Variants in SLC10A7 observed in about 807,000 individuals in gnomAD.
SLC10A7 encodes sodium/bile acid cotransporter 7.
Under a neutral mutation model 43.2 loss-of-function variants are expected in SLC10A7, and 29 were observed. The ratio of observed to expected loss-of-function variants is 0.67; its 90% CI spans 0.50 to 0.92. The LOEUF is 0.92. Ranked by LOEUF, SLC10A7 falls within the 40% of genes least tolerant of loss-of-function variation. The pLI, the probability that SLC10A7 is intolerant of heterozygous loss-of-function variation, is 0.00. For synonymous variants in SLC10A7, 152 were observed against 144.8 expected (o/e 1.05, Z -0.35); for missense variants, 295 against 403.2 (o/e 0.73, Z 2.30).
chr4:146,377,219 C>A (rs187403292), intron 5 of SLC10A7, among the ~76,000 whole-genome samples: 134 of 152,218 alleles, frequency 8.8e-4, no homozygotes, highest in African/African-American at 3.1e-3. Flanking sequence ...TGAAGAGGAA[C>A]CTTTACTTTA....
chr4:146,351,653 C>T (rs1033312923), intron 5 of SLC10A7, among the ~76,000 whole-genome samples: 6 of 152,068 alleles, frequency 3.9e-5, no homozygotes, highest in African/African-American at 1.4e-4. Flanking sequence ...GGGTTACCCT[C>T]AAAGGGAAGC....
intron 11 of SLC10A7, among the ~76,000 whole-genome samples, chr4:146,257,956 A>G (rs1011151062): frequency 2.6e-5 from 4 of 152,316 alleles, no homozygotes; most frequent in Admixed American, 6.5e-5. Flanking sequence ...CTTCCCACAC[A>G]TCTCCTGATA....
chr4:146,432,026 A>G (rs1729816126), intron 5 of SLC10A7, among the ~76,000 whole-genome samples: 1 of 152,232 alleles, frequency 6.6e-6, no homozygotes. Flanking sequence ...AAATAAGCAC[A>G]TAAAAAATGT....
Position 146,440,689 on chromosome 4 carries a change from G to C in SLC10A7, c.435+2094C>G, listed in dbSNP as rs528056100. Among the ~76,000 whole-genome samples, 45 of 152,206 alleles carry C rather than the reference G, an allele frequency of 3.0e-4. No individual in the cohort carries two copies. The Middle Eastern group carries it at 0.014, about 46-fold the overall frequency. On this transcript the variant is annotated intron_variant, in intron 5 of 11. Coordinates refer to ENST00000335472, the MANE Select transcript of SLC10A7 (RefSeq NM_001029998.6). Reference sequence around the variant, plus strand: ...GGTGAAGAGAGGAAAAAAAGATATAGAATTATTTCTCTTATAACACTGGAG... The same window carrying C: ...GGTGAAGAGAGGAAAAAAAGATATACAATTATTTCTCTTATAACACTGGAG...
At chr4:146,419,617 C>T (rs74979399) in intron 5 of SLC10A7, among the ~76,000 whole-genome samples, 28,552 of 152,030 alleles carry the variant, frequency 0.19, 3,423 homozygotes, top group South Asian at 0.31. Flanking sequence ...TGGTGGATCA[C>T]ATAAGGTCAG....
chr4:146,480,882 T>C (rs1466131569), intron 4 of SLC10A7, among the ~76,000 whole-genome samples: 1 of 151,818 alleles, frequency 6.6e-6, no homozygotes, highest in Non-Finnish European at 1.5e-5. Context: ...AGCAACTGCA[T>C]ATTTACCAAA....
rs1032812465 is a variant in SLC10A7 at position 146,254,253 on chromosome 4, T to C, written c.*2238A>G. 3 of 151,948 alleles carry C rather than the reference T, an allele frequency of 2.0e-5. No individual in the cohort carries two copies. Among genetic ancestry groups the C allele is most frequent in the African/African-American group, 7.3e-5 (3 of 41,356 alleles). The allele number at this position is 151,948 out of a possible 1,614,324, so 9.4% of individuals were successfully genotyped here. A position where few individuals can be genotyped will look rare whatever the true frequency, so the allele number is the denominator to read the frequency against. ...ATTTTGTAACAACCATTAAAAAAAA[T>C]CCAGGTGGAAAAATGAGTAAACATA... On this transcript the variant is annotated 3_prime_UTR_variant, in exon 12 of 12. Transcript: ENST00000335472.
chr4:146,323,364 A>G (rs866270794), intron 6 of SLC10A7, among the ~76,000 whole-genome samples: 2 of 152,174 alleles, frequency 1.3e-5, no homozygotes, highest in Non-Finnish European at 1.5e-5. Context: ...TTTTAGGTCT[A>G]ACATGTAAGT....
chr4:146,445,891 C>CTG (rs10678013), intron 4 of SLC10A7, among the ~76,000 whole-genome samples: 80,637 of 148,522 alleles, frequency 0.54, 22,029 homozygotes, highest in East Asian at 0.73. Flanking sequence ...CTTCTCTCTT[C>CTG]TGTGTGTGTG....
intron 6 of SLC10A7, among the ~76,000 whole-genome samples, chr4:146,307,996 G>A (rs184949016): frequency 7.2e-5 from 11 of 152,136 alleles, no homozygotes; most frequent in South Asian, 2.1e-4. Context: ...TGGAAACCGC[G>A]TGTTCTTAGA....
intron 4 of SLC10A7, among the ~76,000 whole-genome samples, chr4:146,449,096 C>T (rs1731353687): frequency 1.3e-5 from 2 of 152,124 alleles, no homozygotes; most frequent in Non-Finnish European, 2.9e-5. Context: ...AGGACAAATT[C>T]CACACTGGGC....
chr4:146,328,719 T>C (rs1733329700), intron 5 of SLC10A7, among the ~76,000 whole-genome samples: 1 of 152,254 alleles, frequency 6.6e-6, no homozygotes, highest in African/African-American at 2.4e-5. Context: ...ACTGAGCTGA[T>C]TACAGCTGAA....
chr4:146,299,753 T>A (rs1430309971), intron 7 of SLC10A7, among the ~76,000 whole-genome samples: 1 of 151,958 alleles, frequency 6.6e-6, no homozygotes, highest in African/African-American at 2.4e-5. Context: ...GGAAGTAGGG[T>A]AGGGTTTCTG....
chr4:146,420,972 A>G (rs1560891563), intron 5 of SLC10A7, among the ~76,000 whole-genome samples: 1 of 152,100 alleles, frequency 6.6e-6, no homozygotes, highest in Non-Finnish European at 1.5e-5. Context: ...GGCTGCAGTG[A>G]CATATAATTG....
chr4:146,341,838 A>G (rs72950679), intron 5 of SLC10A7, among the ~76,000 whole-genome samples: 1,652 of 152,018 alleles, frequency 0.011, 24 homozygotes, highest in African/African-American at 0.037. Flanking sequence ...AGAAAATATT[A>G]TAAGGAACAA....
Position 146,476,904 on chromosome 4 carries a change from C to T in SLC10A7, c.396+26945G>A, listed in dbSNP as rs75320980. 1.7e-3 allele frequency among the ~76,000 whole-genome samples: 257 copies of T among 151,650 alleles called. 1 individual carries two copies. Among genetic ancestry groups the T allele is most frequent in the African/African-American group, 5.8e-3 (241 of 41,326 alleles). On this transcript the variant is annotated intron_variant, in intron 4 of 11. Coordinates refer to ENST00000335472, the MANE Select transcript of SLC10A7 (RefSeq NM_001029998.6). ...AAACACAGGTGTAAAGAGTGAAAAA[C>T]ACAGATCACCCTTTGTCACTGAAGT... is the stretch of plus-strand genomic sequence containing the variant.
At chr4:146,265,217 G>A (rs1728480204) in intron 10 of SLC10A7, among the ~76,000 whole-genome samples, 1 of 152,210 alleles carries the variant, frequency 6.6e-6, no homozygotes, top group East Asian at 1.9e-4. Context: ...GAGGTTTAGA[G>A]CAGTTAAGTA....
chr4:146,441,677 A>C (rs967091228), intron 5 of SLC10A7: 1 of 984,630 alleles, frequency 1.0e-6, no homozygotes. Context: ...TTTGTTAAAC[A>C]GACTTTATTG....
intron 5 of SLC10A7, among the ~76,000 whole-genome samples, chr4:146,417,598 C>G (rs1480512262): frequency 1.3e-5 from 2 of 152,178 alleles, no homozygotes; most frequent in Non-Finnish European, 2.9e-5. Flanking sequence ...AATCCAAACT[C>G]TCAAAATTTA....
Sources: gnomAD v4.1 joint callset for allele counts (sites outside exome capture counted in the v4.1 genomes callset) on GRCh38, gnomAD v4.1.1 for gene constraint, MANE v1.5 for transcripts, NCBI Gene and HGNC (gene_info 2026-07-23, HGNC 2026-07-21) for gene names.